Variants in LCP2 observed in about 807,000 individuals in gnomAD.
LCP2 encodes the protein 76 kDa tyrosine phosphoprotein.
LCP2 carries 29 observed loss-of-function variants against 74.5 expected under a neutral mutation model. The ratio of observed to expected loss-of-function variants is 0.39; its 90% CI spans 0.29 to 0.53. The LOEUF (loss-of-function observed/expected upper bound fraction) is 0.53. Ranked by LOEUF, LCP2 falls within the 20% of genes least tolerant of loss-of-function variation. The pLI is 0.72. For missense variants in LCP2, 604 were observed against 634.6 expected (o/e 0.95, Z 0.52); for synonymous variants, 228 against 229.5 (o/e 0.99, Z 0.06).
At chr5:170,285,587 A>C (rs776149756) in intron 3 of LCP2, among the ~76,000 whole-genome samples, 9 of 152,162 alleles carry the variant, frequency 5.9e-5, no homozygotes, top group Non-Finnish European at 1.3e-4. Context: ...AACAATTTTT[A>C]GATTAGGGCT....
At chr5:170,266,129 G>T (rs528188488) in intron 10 of LCP2, among the ~76,000 whole-genome samples, 1 of 152,164 alleles carries the variant, frequency 6.6e-6, no homozygotes, top group Non-Finnish European at 1.5e-5. Flanking sequence ...CATAGCAGTT[G>T]CTCAATAAAT....
intron 10 of LCP2, among the ~76,000 whole-genome samples, chr5:170,263,410 G>A (rs1761697725): frequency 1.3e-5 from 2 of 152,202 alleles, no homozygotes; most frequent in South Asian, 4.1e-4. Flanking sequence ...TTGCCACGGA[G>A]AGGGTAACTT....
At chr5:170,266,322 G>A (rs1307717110) in intron 10 of LCP2, among the ~76,000 whole-genome samples, 1 of 152,192 alleles carries the variant, frequency 6.6e-6, no homozygotes, top group Non-Finnish European at 1.5e-5. Flanking sequence ...CATTTTCTAT[G>A]TACAGAACAT....
At chr5:170,290,930 G>C (rs1206885038) in intron 2 of LCP2, among the ~76,000 whole-genome samples, 1 of 135,132 alleles carries the variant, frequency 7.4e-6, no homozygotes, top group Admixed American at 7.8e-5. Flanking sequence ...AAAGAAGAGA[G>C]AGAAAGAAGA....
chr5:170,273,387 A>G lies in LCP2; in HGVS notation c.324+914T>C, dbSNP rs569053043. On this transcript the variant is annotated intron_variant, in intron 6 of 20. Coordinates refer to ENST00000046794, the MANE Select transcript of LCP2 (RefSeq NM_005565.5). ...ATTCCTTCATTTTCAGGTAGAAAGCATAAACTTAGCTAAATCTTTTTTTTG... is the reference window on the plus strand; with the variant it reads ...ATTCCTTCATTTTCAGGTAGAAAGCGTAAACTTAGCTAAATCTTTTTTTTG... Among the ~76,000 whole-genome samples, 32 of 152,354 alleles carry G rather than the reference A, an allele frequency of 2.1e-4. 1 individual carries two copies. The South Asian group carries it at 6.6e-3, about 32-fold the overall frequency.
chr5:170,254,434 T>C (rs937889604), intron 17 of LCP2, among the ~76,000 whole-genome samples: 2 of 152,144 alleles, frequency 1.3e-5, no homozygotes, highest in Non-Finnish European at 2.9e-5. Flanking sequence ...ATCATCAAGA[T>C]TATTTATGAT....
At chr5:170,263,288 A>G (rs947728828) in intron 10 of LCP2, among the ~76,000 whole-genome samples, 63 of 152,202 alleles carry the variant, frequency 4.1e-4, no homozygotes, top group Non-Finnish European at 2.6e-4. Flanking sequence ...TTTCTTTTAT[A>G]TAACTGATGA....
At position 170,287,432 on chromosome 5, in the gene LCP2, G is replaced by A. The variant is rs542508521; in HGVS notation, c.188+538C>T. Reference sequence around the variant, plus strand: ...AAATACATGGCATGACATGCATACTGCAACTTCCCCTTTCAGCACCTATGG... The same window carrying A: ...AAATACATGGCATGACATGCATACTACAACTTCCCCTTTCAGCACCTATGG... On this transcript the variant is annotated intron_variant, in intron 3 of 20. Transcript: ENST00000046794. 3.4e-4 allele frequency among the ~76,000 whole-genome samples: 52 copies of A among 152,304 alleles called. 1 individual carries two copies. The highest frequency in any genetic ancestry group is 3.4e-3 in the Middle Eastern group (1 of 294).
intron 10 of LCP2, among the ~76,000 whole-genome samples, chr5:170,265,161 G>A (rs1043331795): frequency 8.6e-5 from 13 of 151,784 alleles, no homozygotes; most frequent in African/African-American, 3.1e-4. Context: ...TTAATTTTTT[G>A]TATTTTTAAT....
At chr5:170,273,236 C>G (rs192502979) in intron 6 of LCP2, among the ~76,000 whole-genome samples, 2 of 152,096 alleles carry the variant, frequency 1.3e-5, no homozygotes, top group Non-Finnish European at 2.9e-5. Context: ...CAGAGAGGAT[C>G]GAAGACTAGC....
intron 10 of LCP2, among the ~76,000 whole-genome samples, chr5:170,265,463 A>C (rs866899324): frequency 6.6e-6 from 1 of 152,252 alleles, no homozygotes; most frequent in Admixed American, 6.5e-5. Flanking sequence ...ATAGAAAAAA[A>C]GAATATTTTA....
intron 7 of LCP2, 84 bp downstream of exon 7, chr5:170,270,635 A>G (rs1761880622): frequency 7.9e-7 from 1 of 1,268,530 alleles, no homozygotes; most frequent in Non-Finnish European, 1.1e-6. Flanking sequence ...TACATGGGCA[A>G]GCTGGGGCAT....
intron 6 of LCP2, among the ~76,000 whole-genome samples, chr5:170,271,151 ACACAACACCTTTCTG>A (rs1761891095): frequency 6.6e-6 from 1 of 152,130 alleles, no homozygotes; most frequent in Admixed American, 6.5e-5. Flanking sequence ...CCACCTTTTT[ACACAACACCTTTCTG>A]CACAACAGAG....
intron 8 of LCP2, among the ~76,000 whole-genome samples, chr5:170,267,580 T>TCCCCCC (rs369358533): frequency 1.4e-5 from 2 of 141,106 alleles, no homozygotes; most frequent in South Asian, 2.4e-4. Flanking sequence ...CCTTGTCACC[T>TCCCCCC]CCCCCCCCCA....
At position 170,268,403 on chromosome 5, in the gene LCP2, TG is replaced by T; in HGVS notation, c.602del (p.Pro201GlnfsTer35). The T allele has an allele frequency of 2.4e-6, 1 of 414,250 alleles. No homozygotes were observed. 25.7% of individuals were successfully genotyped at this position (414,250 alleles called of 1,614,324 possible). On this transcript the variant is annotated frameshift_variant, in exon 8 of 21. Transcript: ENST00000046794. LOFTEE classifies it high-confidence loss of function. ...QRPMAALPPP[P>X]AGRNHSPLPP... is the part of the protein sequence containing the mutation. ...GGCCTACCGAGTGATTCCGGCCGGCTGGTGGGGGCGGGAGGGCGGCCATCGG... is the reference window on the plus strand; with the variant it reads ...GGCCTACCGAGTGATTCCGGCCGGCTGTGGGGGCGGGAGGGCGGCCATCGG...
At chr5:170,278,216 C>T (rs2113194476) in intron 3 of LCP2, among the ~76,000 whole-genome samples, 1 of 148,526 alleles carries the variant, frequency 6.7e-6, no homozygotes, top group African/African-American at 2.5e-5. Flanking sequence ...CTTAGAAGTG[C>T]TCAAGGTGCA....
chr5:170,250,708 T>C (rs1404646401), intron 20 of LCP2, 22 bp downstream of exon 20: 2 of 1,604,824 alleles, frequency 1.2e-6, no homozygotes, highest in Admixed American at 3.3e-5. Flanking sequence ...TTTGGGAAAA[T>C]GTCGAAATTT....
chr5:170,254,343 C>A (rs1184903199), intron 17 of LCP2, among the ~76,000 whole-genome samples: 1 of 152,124 alleles, frequency 6.6e-6, no homozygotes, highest in Non-Finnish European at 1.5e-5. Context: ...GGTTCTACAC[C>A]ACGGATTGTC....
chr5:170,251,586 G>T, intron 19 of LCP2: 1 of 455,552 alleles, frequency 2.2e-6, no homozygotes, highest in Admixed American at 2.3e-5. Flanking sequence ...TACCAAATCA[G>T]GATAGCTTTA....
Sources: gnomAD v4.1 joint callset for allele counts (sites outside exome capture counted in the v4.1 genomes callset) on GRCh38, gnomAD v4.1.1 for gene constraint, MANE v1.5 for transcripts, NCBI Gene and HGNC (gene_info 2026-07-23, HGNC 2026-07-21) for gene names.